Variants in FAM193A observed in about 807,000 individuals in gnomAD.
The protein encoded by FAM193A is protein FAM193A.
Under a neutral mutation model 126.5 loss-of-function variants are expected in FAM193A, and 22 were observed. The ratio of observed to expected loss-of-function variants is 0.17; its 90% CI spans 0.12 to 0.25. The LOEUF (loss-of-function observed/expected upper bound fraction) is 0.25. Ranked by LOEUF, FAM193A falls within the 10% of genes least tolerant of loss-of-function variation. FAM193A has a pLI of 1.00. For missense variants in FAM193A, 1,675 were observed against 1,672.8 expected, an observed-to-expected ratio of 1.00 and a Z score of -0.02; for synonymous variants, 761 against 646.8, an observed-to-expected ratio of 1.18 and a Z score of -2.68.
chr4:2,561,091 T>C (rs1738585817), intron 1 of FAM193A, among the ~76,000 whole-genome samples: 1 of 152,276 alleles, frequency 6.6e-6, no homozygotes. Context: ...TGAACTTTTA[T>C]GTCCTTACAA....
chr4:2,673,021 T>G (rs1485776782), intron 13 of FAM193A, among the ~76,000 whole-genome samples: 2 of 152,170 alleles, frequency 1.3e-5, no homozygotes, highest in Non-Finnish European at 2.9e-5. Flanking sequence ...CCAGAGAACC[T>G]CATGTGTATA....
intron 10 of FAM193A, among the ~76,000 whole-genome samples, chr4:2,662,082 C>T (rs1336065209): frequency 6.6e-6 from 1 of 152,064 alleles, no homozygotes; most frequent in Non-Finnish European, 1.5e-5. Context: ...ACTCGGGAGG[C>T]TGAGGCAGGG....
intron 20 of FAM193A, among the ~76,000 whole-genome samples, chr4:2,724,963 G>A (rs1215213759): frequency 6.6e-6 from 1 of 151,974 alleles, no homozygotes; most frequent in Non-Finnish European, 1.5e-5. Context: ...TGCAACCTCC[G>A]CCTTCCAGAT....
rs146083502 is a variant in FAM193A, at chr4:2,575,743, G to A, written c.256-20341G>A. Among the ~76,000 whole-genome samples, 434 of 152,152 alleles carry A rather than the reference G, an allele frequency of 2.9e-3. 1 individual carries two copies. The highest frequency in any genetic ancestry group is 7.9e-3 in the African/African-American group (327 of 41,522). ...CGGCCTCCCAAAGTGTGGGATTACAGACGTGAGCCATCGCGCCCGGCGAGA... is the reference window on the plus strand; with the variant it reads ...CGGCCTCCCAAAGTGTGGGATTACAAACGTGAGCCATCGCGCCCGGCGAGA... On this transcript the variant is annotated intron_variant, in intron 1 of 20. Coordinates refer to ENST00000637812, the MANE Select transcript of FAM193A (RefSeq NM_001366318.2).
intron 1 of FAM193A, among the ~76,000 whole-genome samples, chr4:2,554,240 G>C (rs1006003972): frequency 3.3e-5 from 5 of 151,854 alleles, no homozygotes; most frequent in Non-Finnish European, 7.4e-5. Flanking sequence ...GCCCACCACT[G>C]TGCCCAGCTA....
chr4:2,610,309 A>C (rs1741788920), intron 2 of FAM193A, among the ~76,000 whole-genome samples: 1 of 152,054 alleles, frequency 6.6e-6, no homozygotes, highest in African/African-American at 2.4e-5. Flanking sequence ...CTACGCCCAT[A>C]GATCAATCAA....
intron 13 of FAM193A, among the ~76,000 whole-genome samples, chr4:2,684,464 C>T (rs231702): frequency 0.069 from 10,443 of 151,210 alleles, 520 homozygotes; most frequent in Middle Eastern, 0.15. Context: ...CACATAGTTA[C>T]TCTGTGTTTG....
chr4:2,705,675 G>A (rs1185185514), intron 19 of FAM193A, among the ~76,000 whole-genome samples: 2 of 151,798 alleles, frequency 1.3e-5, no homozygotes, highest in African/African-American at 2.4e-5. Context: ...CTGCAGCCTG[G>A]AACTCCTGGG....
intron 1 of FAM193A, among the ~76,000 whole-genome samples, chr4:2,585,351 GA>G (rs1409384720): frequency 1.3e-5 from 2 of 152,192 alleles, no homozygotes; most frequent in Non-Finnish European, 2.9e-5. Flanking sequence ...CAGTGCTTGA[GA>G]GTTCCCATTG....
chr4:2,629,420 C>T (rs1189928632), intron 4 of FAM193A, among the ~76,000 whole-genome samples: 2 of 152,122 alleles, frequency 1.3e-5, no homozygotes, highest in Non-Finnish European at 2.9e-5. Flanking sequence ...AAATTAATGT[C>T]TGTCTGAAAT....
rs1195651683 is a variant in FAM193A, at chr4:2,536,792, G to A, written c.-124G>A. 6.9e-5 allele frequency: 6 copies of A among 86,738 alleles called. No individual in the cohort carries two copies. Among genetic ancestry groups the A allele is most frequent in the Non-Finnish European group, 1.1e-4 (5 of 44,966 alleles). 5.4% of individuals were successfully genotyped at this position (86,738 alleles called of 1,614,324 possible). A position where few individuals can be genotyped will look rare whatever the true frequency, so the allele number is the denominator to read the frequency against. ...CCCTCCCCGACCCGGACGCGACCCC[G>A]CGCAGCGCCCCCCGGCTGGCCGGAG... On this transcript the variant is annotated 5_prime_UTR_variant, in exon 1 of 21. Transcript: ENST00000637812.
chr4:2,539,917 A>T (rs1163166980), intron 1 of FAM193A, among the ~76,000 whole-genome samples: 1 of 151,502 alleles, frequency 6.6e-6, no homozygotes, highest in Non-Finnish European at 1.5e-5. Flanking sequence ...TGGTTGACAG[A>T]TGATGAAACC....
At chr4:2,596,022 T>C in intron 1 of FAM193A, 62 bp from the exon 2 acceptor site, 1 of 647,292 alleles carries the variant, frequency 1.5e-6, no homozygotes, top group South Asian at 1.8e-5. Flanking sequence ...TATACATATA[T>C]TTTAATATTC....
intron 20 of FAM193A, among the ~76,000 whole-genome samples, chr4:2,722,133 C>T (rs887999162): frequency 2.0e-5 from 3 of 152,210 alleles, no homozygotes; most frequent in South Asian, 2.1e-4. Context: ...CACGGCGCCA[C>T]GGTTAGCAGT....
At chr4:2,699,629 A>G (rs774013337) in intron 18 of FAM193A, 51 bp from the exon 19 acceptor site, 4 of 1,525,406 alleles carry the variant, frequency 2.6e-6, no homozygotes, top group South Asian at 2.6e-5. Flanking sequence ...TGTATGACTT[A>G]ATTTTTAGCA....
At chr4:2,612,080 T>C (rs1741911016) in intron 2 of FAM193A, among the ~76,000 whole-genome samples, 1 of 150,346 alleles carries the variant, frequency 6.7e-6, no homozygotes, top group South Asian at 2.1e-4. Flanking sequence ...TCGTGTTCCG[T>C]CTGTCTCGGC....
chr4:2,546,558 G>T (rs1016429195), intron 1 of FAM193A, among the ~76,000 whole-genome samples: 3 of 152,110 alleles, frequency 2.0e-5, no homozygotes, highest in African/African-American at 7.2e-5. Context: ...ATTTCACTCA[G>T]CATAATGACT....
intron 1 of FAM193A, among the ~76,000 whole-genome samples, chr4:2,547,029 T>G (rs1195947980): frequency 1.3e-5 from 2 of 152,180 alleles, no homozygotes; most frequent in African/African-American, 4.8e-5. Context: ...GGCAGTCTAC[T>G]GGTCTGGCCT....
intron 1 of FAM193A, among the ~76,000 whole-genome samples, chr4:2,591,819 G>A (rs1433199428): frequency 6.6e-6 from 1 of 152,082 alleles, no homozygotes; most frequent in Non-Finnish European, 1.5e-5. Flanking sequence ...CATGCACACA[G>A]GCCACAGTCA....
Sources: gnomAD v4.1 joint callset for allele counts (sites outside exome capture counted in the v4.1 genomes callset) on GRCh38, gnomAD v4.1.1 for gene constraint, MANE v1.5 for transcripts, NCBI Gene and HGNC (gene_info 2026-07-23, HGNC 2026-07-21) for gene names.